PM20D1: variants seen among roughly 807,000 people sequenced by gnomAD.
The protein encoded by PM20D1 is peptidase M20 domain containing 1, also known as N-fatty-acyl-amino acid synthase/hydrolase PM20D1.
Under a neutral mutation model 53.8 loss-of-function variants are expected in PM20D1, and 53 were observed. The ratio of observed to expected loss-of-function variants is 0.98; its 90% CI spans 0.79 to 1.24. PM20D1 has a LOEUF of 1.24. Ranked by LOEUF, PM20D1 falls within the 50% of genes most tolerant of loss-of-function variation. The pLI is 0.00. For synonymous variants in PM20D1, 239 were observed against 241.3 expected (o/e 0.99, Z 0.09); for missense variants, 564 against 616.8 (o/e 0.91, Z 0.91).
rs1656776273 is a variant in PM20D1 at position 205,840,233 on chromosome 1, T to C, written c.1116+19A>G. On this transcript the variant is annotated intron_variant, in intron 10 of 12. Transcript: ENST00000367136. Reference sequence around the variant, plus strand: ...CCCTGATGCTGCATGAGTTGTTGTCTGGAACATATGGTACATACCTCTTGG... The same window carrying C: ...CCCTGATGCTGCATGAGTTGTTGTCCGGAACATATGGTACATACCTCTTGG... 8.7e-6 allele frequency: 14 copies of C among 1,606,908 alleles called. No homozygotes were observed. The highest frequency in any genetic ancestry group is 1.2e-5 in the Non-Finnish European group (14 of 1,174,914).
In PM20D1 at chr1:205,828,747, A is replaced by G. The variant is rs1558089131; in HGVS notation, c.1386-4T>C. 6.2e-7 allele frequency: 1 copy of G among 1,613,864 alleles called. No homozygotes were observed. The highest frequency in any genetic ancestry group is 8.5e-7 in the Non-Finnish European group (1 of 1,179,828). On this transcript the variant is annotated splice_region_variant and splice_polypyrimidine_tract_variant and intron_variant, in intron 12 of 12. Coordinates refer to ENST00000367136, the MANE Select transcript of PM20D1 (RefSeq NM_152491.5). ...TTTCTCGTTGACTCCATGGATGCTGAGGAAAGTAAGGTGCATTTAGGGAAG... is the reference window on the plus strand; with the variant it reads ...TTTCTCGTTGACTCCATGGATGCTGGGGAAAGTAAGGTGCATTTAGGGAAG...
At chr1:205,832,116 A>C (rs1476503556) in intron 11 of PM20D1, among the ~76,000 whole-genome samples, 1 of 152,148 alleles carries the variant, frequency 6.6e-6, no homozygotes, top group African/African-American at 2.4e-5. Flanking sequence ...ATGGGGTGCT[A>C]GAAGGCTGCA....
At chr1:205,849,072 A>C (rs1273003404) in intron 1 of PM20D1, among the ~76,000 whole-genome samples, 3 of 152,220 alleles carry the variant, frequency 2.0e-5, no homozygotes, top group Non-Finnish European at 4.4e-5. Context: ...GCATATGAAC[A>C]ATCTATATCC....
chr1:205,844,139 C>CA lies in PM20D1; in HGVS notation c.654_655insT (p.Gly219TrpfsTer7). ...ATGAAATCATCCAAGATGAAGCCCCCCTCGTCCACAATGAAGGCTAGCTGG... is the reference window on the plus strand; with the variant it reads ...ATGAAATCATCCAAGATGAAGCCCCCACTCGTCCACAATGAAGGCTAGCTGG... On this transcript the variant is annotated frameshift_variant, in exon 5 of 13. Coordinates refer to ENST00000367136, the MANE Select transcript of PM20D1 (RefSeq NM_152491.5). LOFTEE classifies it high-confidence loss of function. The CA allele has an allele frequency of 6.2e-7, 1 of 1,613,962 alleles. No individual in the cohort carries two copies. The highest frequency in any genetic ancestry group is 8.5e-7 in the Non-Finnish European group (1 of 1,179,946).
In PM20D1 at chr1:205,832,772, G is replaced by C. The variant is rs751418838; in HGVS notation, c.1117-6C>G. 6.4e-7 allele frequency: 1 copy of C among 1,567,372 alleles called. No homozygotes were observed. Among genetic ancestry groups the C allele is most frequent in the Admixed American group, 1.9e-5 (1 of 52,748 alleles). ...TTCTTCGTGAGTTCTAGGACCTCCA[G>C]GGTAGAAACAAAGGGGGTTCGATTT... On this transcript the variant is annotated splice_polypyrimidine_tract_variant and splice_region_variant and intron_variant, in intron 10 of 12. Coordinates refer to ENST00000367136, the MANE Select transcript of PM20D1 (RefSeq NM_152491.5).
chr1:205,840,816 C>T (rs761350059), intron 9 of PM20D1, among the ~76,000 whole-genome samples: 8 of 152,202 alleles, frequency 5.3e-5, no homozygotes, highest in Non-Finnish European at 8.8e-5. Context: ...ACATACTCCT[C>T]ACATATTCCT....
chr1:205,841,629 T>C (rs1159460233), intron 9 of PM20D1, among the ~76,000 whole-genome samples, 182 bp downstream of exon 9: 1 of 152,192 alleles, frequency 6.6e-6, no homozygotes, highest in African/African-American at 2.4e-5. Context: ...CTGGTGGTAC[T>C]GGCAGTTACA....
chr1:205,846,197 C>G (rs1656954161), intron 2 of PM20D1, among the ~76,000 whole-genome samples: 1 of 151,984 alleles, frequency 6.6e-6, no homozygotes, highest in Admixed American at 6.6e-5. Flanking sequence ...ACCAGCCTGG[C>G]CCACATGGTG....
intron 6 of PM20D1, among the ~76,000 whole-genome samples, chr1:205,843,158 T>C (rs1656855894): frequency 6.6e-6 from 1 of 152,202 alleles, no homozygotes; most frequent in African/African-American, 2.4e-5. Flanking sequence ...CCAGCAACTC[T>C]TATTTATTTT....
At position 205,828,506 on chromosome 1, in the gene PM20D1, T is replaced by C; in HGVS notation, c.*114A>G. 7.1e-7 allele frequency: 1 copy of C among 1,418,366 alleles called. No individual in the cohort carries two copies. The highest frequency in any genetic ancestry group is 9.5e-7 in the Non-Finnish European group (1 of 1,052,530). The allele number at this position is 1,418,366 out of a possible 1,614,324, so 87.9% of individuals were successfully genotyped here. ...AGAGTTTAAGAGTGAGCAAGACAGA[T>C]GGGCAATGTTTTACAATGTGGTTTT... On this transcript the variant is annotated 3_prime_UTR_variant, in exon 13 of 13. Transcript: ENST00000367136.
In PM20D1 at chr1:205,832,739, C is replaced by A; in HGVS notation, c.1144G>T (p.Ala382Ser). 6.2e-7 allele frequency: 1 copy of A among 1,607,332 alleles called. No homozygotes were observed. Among genetic ancestry groups the A allele is most frequent in the Non-Finnish European group, 8.5e-7 (1 of 1,176,982 alleles). The stretch of plus-strand genomic sequence containing the variant: ...ACATGGAACTGGACTCTGTTATCAG[C>A]CACAATGTTCTTCGTGAGTTCTAGG... ...EVLELTKNIV[A>S]DNRVQFHVLS... The change falls in exon 11 of 13, where the codon GCT becomes TCT. Residue 382 changes from alanine (A) to serine (S), a missense_variant. Ala to Ser is a moderately conservative substitution (Grantham distance 99). Coordinates refer to ENST00000367136, the MANE Select transcript of PM20D1 (RefSeq NM_152491.5).
intron 8 of PM20D1, 25 bp downstream of exon 8, chr1:205,842,129 G>GA (rs771344295): frequency 6.3e-7 from 1 of 1,598,828 alleles, no homozygotes; most frequent in South Asian, 1.1e-5. Context: ...TGAGGGATGT[G>GA]AAAAAAGGAA....
chr1:205,835,882 CT>C (rs879678350), intron 10 of PM20D1, among the ~76,000 whole-genome samples: 51 of 145,796 alleles, frequency 3.5e-4, no homozygotes, highest in Admixed American at 3.4e-4. Flanking sequence ...ATCTCCTGTT[CT>C]TTTTTTTTTT....
chr1:205,828,769 G>A, intron 12 of PM20D1, 26 bp from the exon 13 acceptor site: 1 of 1,613,246 alleles, frequency 6.2e-7, no homozygotes, highest in Non-Finnish European at 8.5e-7. Context: ...TGCATTTAGG[G>A]AAGGAGGGGA....
rs757720724 is a variant in PM20D1 at position 205,828,744 on chromosome 1, C to A, written c.1386-1G>T. 6.2e-7 allele frequency: 1 copy of A among 1,613,842 alleles called. No homozygotes were observed. Among genetic ancestry groups the A allele is most frequent in the Non-Finnish European group, 8.5e-7 (1 of 1,179,826 alleles). On this transcript the variant is annotated splice_acceptor_variant, in intron 12 of 12. Coordinates refer to ENST00000367136, the MANE Select transcript of PM20D1 (RefSeq NM_152491.5). LOFTEE classifies it high-confidence loss of function. ...GATTTTCTCGTTGACTCCATGGATG[C>A]TGAGGAAAGTAAGGTGCATTTAGGG...
rs114132835 is a variant in PM20D1 at position 205,828,175 on chromosome 1, C to T, written c.*445G>A. The T allele has an allele frequency of 5.3e-3, 843 of 158,304 alleles. 5 individuals are homozygous for T. The highest frequency in any genetic ancestry group is 0.02 in the African/African-American group (812 of 41,464). The allele number at this position is 158,304 out of a possible 1,614,324, so 9.8% of individuals were successfully genotyped here. Reference sequence around the variant, plus strand: ...AGAGATGAAGAGACAGCTCATGAGTCCAAGAAGAGAGGGGAATAAAAGGGG... The same window carrying T: ...AGAGATGAAGAGACAGCTCATGAGTTCAAGAAGAGAGGGGAATAAAAGGGG... On this transcript the variant is annotated 3_prime_UTR_variant, in exon 13 of 13. Coordinates refer to ENST00000367136, the MANE Select transcript of PM20D1 (RefSeq NM_152491.5).
intron 8 of PM20D1, 119 bp from the exon 9 acceptor site, chr1:205,842,008 G>T: frequency 8.3e-7 from 1 of 1,198,058 alleles, no homozygotes. Context: ...AGACGTCTTA[G>T]AGATGTCTTA....
intron 10 of PM20D1, among the ~76,000 whole-genome samples, chr1:205,833,211 T>C (rs1256360504): frequency 6.6e-6 from 1 of 152,210 alleles, no homozygotes; most frequent in Non-Finnish European, 1.5e-5. Flanking sequence ...TCCAAGGGCA[T>C]TGGTGAGATA....
At chr1:205,835,779 C>T (rs772079716) in intron 10 of PM20D1, among the ~76,000 whole-genome samples, 1 of 151,396 alleles carries the variant, frequency 6.6e-6, no homozygotes, top group South Asian at 2.1e-4. Context: ...GGGCAAGAAT[C>T]GGAGGTACAA....
Sources: allele counts gnomAD v4.1 joint callset (sites outside exome capture counted in the v4.1 genomes callset), GRCh38; gene constraint gnomAD v4.1.1; transcripts MANE v1.5; gene names NCBI Gene and HGNC (gene_info 2026-07-23, HGNC 2026-07-21).